ZDHHC17: variants seen among roughly 807,000 people sequenced by gnomAD.
ZDHHC17 encodes zDHHC palmitoyltransferase 17, also known as palmitoyltransferase ZDHHC17.
In ZDHHC17, 40 loss-of-function variants were observed where a neutral mutation model predicts 90.3. That is an observed-to-expected ratio of 0.44 (90% confidence interval 0.34 to 0.58). The LOEUF is 0.58. Among genes scored for constraint, ZDHHC17 ranks in the 20% least tolerant of loss-of-function variants. The pLI is 0.01. For synonymous variants in ZDHHC17, 235 were observed against 252.4 expected (o/e 0.93, Z 0.65); for missense variants, 614 against 780.8 (o/e 0.79, Z 2.55).
chr12:76,786,757 A>G (rs1304196259), intron 1 of ZDHHC17, among the ~76,000 whole-genome samples: 1 of 149,482 alleles, frequency 6.7e-6, no homozygotes, highest in African/African-American at 2.4e-5. Flanking sequence ...GAAAGGTGGA[A>G]GTATAAATTT....
chr12:76,775,424 A>C (rs989703839), intron 1 of ZDHHC17, among the ~76,000 whole-genome samples: 2 of 152,198 alleles, frequency 1.3e-5, no homozygotes, highest in African/African-American at 4.8e-5. Context: ...AGTGATTCCA[A>C]AGAGGCTAAC....
At chr12:76,842,447 T>G (rs1953446330) in intron 11 of ZDHHC17, among the ~76,000 whole-genome samples, 1 of 152,194 alleles carries the variant, frequency 6.6e-6, no homozygotes, top group Non-Finnish European at 1.5e-5. Context: ...ACTAGAAGGT[T>G]AATAAATTGG....
At chr12:76,772,100 TAATCCTC>T (rs1407288727) in intron 1 of ZDHHC17, among the ~76,000 whole-genome samples, 4 of 152,248 alleles carry the variant, frequency 2.6e-5, no homozygotes, top group Admixed American at 6.5e-5. Flanking sequence ...TTCATTCATT[TAATCCTC>T]ACAGCTTTTT....
chr12:76,807,177 A>T (rs1819961585), intron 3 of ZDHHC17, among the ~76,000 whole-genome samples: 1 of 152,200 alleles, frequency 6.6e-6, no homozygotes, highest in Non-Finnish European at 1.5e-5. Context: ...GCATCTTAAG[A>T]TTTAACATTA....
chr12:76,793,945 G>C (rs1952789876), intron 1 of ZDHHC17, among the ~76,000 whole-genome samples: 1 of 152,084 alleles, frequency 6.6e-6, no homozygotes, highest in African/African-American at 2.4e-5. Flanking sequence ...GAGCACAGTG[G>C]CGCGATCGTG....
Position 76,809,046 on chromosome 12 carries a change from C to G in ZDHHC17, c.324C>G (p.Tyr108Ter), listed in dbSNP as rs756455556. Residue 108 changes from tyrosine to a stop codon, truncating the protein, a stop_gained, in exon 4 of 17, where the codon TAC (tyrosine) becomes TAG (stop). Transcript: ENST00000426126. LOFTEE classifies it high-confidence loss of function. ...TATTATAAATTTTGTCTTATAGATA[C>G]TATATTTCGAAAGGTGCTATTGTGG... ...AINNRIDLVKYYISKGAIVDQ... is the reference protein window; with the variant it reads ...AINNRIDLVK 1 of 1,519,222 alleles carries G rather than the reference C, an allele frequency of 6.6e-7. No individual in the cohort carries two copies. Among genetic ancestry groups the G allele is most frequent in the Admixed American group, 2.0e-5 (1 of 48,842 alleles). 94.1% of individuals were successfully genotyped at this position (1,519,222 alleles called of 1,614,324 possible).
intron 1 of ZDHHC17, among the ~76,000 whole-genome samples, chr12:76,795,064 TTTCCA>T (rs1457252044): frequency 2.0e-5 from 3 of 152,240 alleles, no homozygotes; most frequent in African/African-American, 7.2e-5. Context: ...CTACTTTGTC[TTTCCA>T]TTCTGGATTG....
At chr12:76,816,415 G>A (rs1438750429) in intron 7 of ZDHHC17, among the ~76,000 whole-genome samples, 1 of 151,906 alleles carries the variant, frequency 6.6e-6, no homozygotes, top group East Asian at 1.9e-4. Flanking sequence ...CAAAATTTTG[G>A]TTATTTCTTT....
rs559561793 is a variant in ZDHHC17, at chr12:76,849,167, G to A, written c.1666-209G>A. ...CCCAACAAAAAAAAGAAAATTAGCC[G>A]GGCATGGTGCATGCGCCTGTAATCC... On this transcript the variant is annotated intron_variant, in intron 15 of 16. Coordinates refer to ENST00000426126, the MANE Select transcript of ZDHHC17 (RefSeq NM_015336.4). Among the ~76,000 whole-genome samples the A allele has an allele frequency of 2.9e-5, 4 of 137,750 alleles. No homozygotes were observed. The South Asian group carries it at 7.3e-4, about 25-fold the overall frequency. 90.4% of individuals were successfully genotyped at this position (137,750 alleles called of 152,430 possible).
At chr12:76,797,596 C>G in intron 2 of ZDHHC17, 59 bp downstream of exon 2, 1 of 1,293,118 alleles carries the variant, frequency 7.7e-7, no homozygotes, top group South Asian at 1.4e-5. Context: ...AAATATGAAT[C>G]TGAATAACAG....
intron 8 of ZDHHC17, among the ~76,000 whole-genome samples, chr12:76,825,622 T>C (rs868220014): frequency 2.6e-5 from 4 of 152,080 alleles, no homozygotes; most frequent in South Asian, 4.2e-4. Context: ...AAATTACACA[T>C]TTAGTTCAGA....
intron 10 of ZDHHC17, among the ~76,000 whole-genome samples, chr12:76,835,076 A>G (rs1836565939): frequency 7.2e-6 from 1 of 138,718 alleles, no homozygotes; most frequent in Non-Finnish European, 1.5e-5. Flanking sequence ...TTTTTTTGGC[A>G]GTCTTGCTGT....
At chr12:76,846,007 C>G (rs556787063) in intron 13 of ZDHHC17, among the ~76,000 whole-genome samples, 15 of 152,224 alleles carry the variant, frequency 9.9e-5, no homozygotes, top group African/African-American at 3.4e-4. Context: ...TTTTCTCTGT[C>G]AGTTCTATCT....
At chr12:76,806,121 G>A (rs1339668126) in intron 3 of ZDHHC17, among the ~76,000 whole-genome samples, 1 of 152,110 alleles carries the variant, frequency 6.6e-6, no homozygotes, top group Non-Finnish European at 1.5e-5. Context: ...GTTGAGATGG[G>A]TTCTTACTCT....
chr12:76,792,581 C>T (rs1952771396), intron 1 of ZDHHC17, among the ~76,000 whole-genome samples: 1 of 152,092 alleles, frequency 6.6e-6, no homozygotes. Flanking sequence ...TTCCTGTCTA[C>T]TATCTGCTAC....
intron 12 of ZDHHC17, chr12:76,844,708 G>A (rs757952252): frequency 6.6e-6 from 1 of 152,166 alleles, no homozygotes; most frequent in African/African-American, 2.4e-5. Context: ...AATTTTGGTA[G>A]ATGTAAGAAC....
At chr12:76,794,311 A>T (rs1952794783) in intron 1 of ZDHHC17, among the ~76,000 whole-genome samples, 1 of 152,212 alleles carries the variant, frequency 6.6e-6, no homozygotes, top group Non-Finnish European at 1.5e-5. Flanking sequence ...TTATATGAAC[A>T]TGTTAAAAAT....
At chr12:76,808,904 C>A in intron 3 of ZDHHC17, 139 bp from the exon 4 acceptor site, 2 of 436,456 alleles carry the variant, frequency 4.6e-6, no homozygotes, top group Non-Finnish European at 7.7e-6. Context: ...TTTTAAACAA[C>A]CACAAAAGAT....
intron 1 of ZDHHC17, among the ~76,000 whole-genome samples, chr12:76,786,913 C>T (rs570645758): frequency 2.0e-5 from 3 of 152,270 alleles, no homozygotes; most frequent in South Asian, 2.1e-4. Flanking sequence ...TATTCTCAGT[C>T]GAAGATGGGG....
Sources: allele counts gnomAD v4.1 joint callset (sites outside exome capture counted in the v4.1 genomes callset), GRCh38; gene constraint gnomAD v4.1.1; transcripts MANE v1.5; gene names NCBI Gene and HGNC (gene_info 2026-07-23, HGNC 2026-07-21).